The following SLC44A1 variants were observed in gnomAD, a reference collection of about 807,000 sequenced individuals.
SLC44A1 encodes the protein solute carrier family 44 member 1, also known as choline transporter-like protein 1.
SLC44A1 carries 26 observed loss-of-function variants against 79.3 expected under a neutral mutation model. The observed-to-expected ratio is 0.33, with a 90% CI of 0.24 to 0.46. The LOEUF (loss-of-function observed/expected upper bound fraction) is 0.46, where lower values mean the gene tolerates loss of function less well. SLC44A1 is among the 20% of genes least tolerant of loss of function. The probability of loss-of-function intolerance (pLI) is 1.00; values close to 1 mark genes in which losing one functional copy is unlikely to be tolerated. For missense variants in SLC44A1, 688 were observed against 798.1 expected, an observed-to-expected ratio of 0.86 and a Z score of 1.66; for synonymous variants, 263 against 286.2, an observed-to-expected ratio of 0.92 and a Z score of 0.82.
Position 105,393,833 on chromosome 9 carries a change from A to G in SLC44A1, c.*4777A>G. 1 of 984,910 alleles carries G rather than the reference A, an allele frequency of 1.0e-6. No individual in the cohort carries two copies. Among genetic ancestry groups the G allele is most frequent in the Non-Finnish European group, 1.2e-6 (1 of 829,436 alleles). 61.0% of individuals were successfully genotyped at this position (984,910 alleles called of 1,614,324 possible). A position where few individuals can be genotyped will look rare whatever the true frequency, so the allele number is the denominator to read the frequency against. ...GTTTTGATGCTCAGTTTTACAACTTAAATGATTTTCTCCAGGACACGGAGC... is the reference window on the plus strand; with the variant it reads ...GTTTTGATGCTCAGTTTTACAACTTGAATGATTTTCTCCAGGACACGGAGC... On this transcript the variant is annotated 3_prime_UTR_variant, in exon 16 of 16. Coordinates refer to ENST00000374720, the MANE Select transcript of SLC44A1 (RefSeq NM_080546.5).
intron 14 of SLC44A1, among the ~76,000 whole-genome samples, chr9:105,383,851 C>A (rs1828549920): frequency 6.6e-6 from 1 of 152,186 alleles, no homozygotes; most frequent in Non-Finnish European, 1.5e-5. Context: ...ATAACAGACC[C>A]ATGACTGGTA....
At chr9:105,310,279 T>C (rs376254242) in intron 3 of SLC44A1, among the ~76,000 whole-genome samples, 13 of 152,116 alleles carry the variant, frequency 8.5e-5, no homozygotes, top group African/African-American at 3.1e-4. Flanking sequence ...TAGAAAATAT[T>C]TTATGTTGTA....
At chr9:105,273,597 G>A (rs1830127473) in intron 1 of SLC44A1, among the ~76,000 whole-genome samples, 1 of 152,076 alleles carries the variant, frequency 6.6e-6, no homozygotes, top group Admixed American at 6.5e-5. Flanking sequence ...AATTGCAACT[G>A]AGTGAATTTC....
At chr9:105,330,356 C>G (rs889571258) in intron 3 of SLC44A1, among the ~76,000 whole-genome samples, 1 of 152,212 alleles carries the variant, frequency 6.6e-6, no homozygotes, top group Non-Finnish European at 1.5e-5. Context: ...CAGTCAGTTC[C>G]ATCATTTGTT....
intron 15 of SLC44A1, among the ~76,000 whole-genome samples, chr9:105,411,363 C>T (rs1348813415): frequency 1.3e-5 from 2 of 151,690 alleles, no homozygotes; most frequent in Admixed American, 6.6e-5. Context: ...TTCCCCTTCC[C>T]CTGCTTCCCT....
At chr9:105,256,799 A>AT (rs1829719439) in intron 1 of SLC44A1, among the ~76,000 whole-genome samples, 1 of 79,626 alleles carries the variant, frequency 1.3e-5, no homozygotes, top group Admixed American at 1.3e-4. Context: ...TTATTTTATT[A>AT]TTTTTTGAGA....
intron 3 of SLC44A1, among the ~76,000 whole-genome samples, chr9:105,318,587 A>T (rs542040368): frequency 5.8e-4 from 88 of 152,258 alleles, no homozygotes; most frequent in Non-Finnish European, 1.1e-3. Flanking sequence ...TTTTTTTGTC[A>T]TATTTTGTGA....
At chr9:105,360,699 T>G (rs1326361818) in intron 7 of SLC44A1, among the ~76,000 whole-genome samples, 1 of 152,224 alleles carries the variant, frequency 6.6e-6, no homozygotes, top group East Asian at 1.9e-4. Context: ...TGATTTGCAT[T>G]TATTCATTGT....
intron 7 of SLC44A1, among the ~76,000 whole-genome samples, chr9:105,358,876 C>T (rs759683371): frequency 2.0e-5 from 3 of 152,102 alleles, no homozygotes; most frequent in Non-Finnish European, 2.9e-5. Flanking sequence ...TACATTTTCA[C>T]TTCCACAGTT....
intron 1 of SLC44A1, among the ~76,000 whole-genome samples, chr9:105,258,798 A>G (rs542856170): frequency 5.9e-4 from 90 of 151,856 alleles, no homozygotes; most frequent in Admixed American, 4.5e-3. Context: ...AGGGATTCTC[A>G]TGCCTCAGCC....
chr9:105,379,391 A>C (rs772993341), intron 13 of SLC44A1, among the ~76,000 whole-genome samples: 1 of 152,160 alleles, frequency 6.6e-6, no homozygotes. Context: ...TCCAGTGATG[A>C]TGGATATATT....
At chr9:105,251,210 G>A (rs1195202248) in intron 1 of SLC44A1, among the ~76,000 whole-genome samples, 2 of 152,076 alleles carry the variant, frequency 1.3e-5, no homozygotes, top group South Asian at 2.1e-4. Context: ...CCTCACCCCC[G>A]GCTTTTTCAG....
intron 15 of SLC44A1, among the ~76,000 whole-genome samples, chr9:105,432,351 T>G (rs1829408617): frequency 6.6e-6 from 1 of 152,230 alleles, no homozygotes; most frequent in Non-Finnish European, 1.5e-5. Context: ...CACTCCTTGC[T>G]AAAGGTAATA....
downstream of SLC44A1, among the ~76,000 whole-genome samples, chr9:105,400,733 G>T (rs1177531274): frequency 1.3e-5 from 2 of 151,980 alleles, no homozygotes; most frequent in East Asian, 3.9e-4. Flanking sequence ...AGGTTCCCAG[G>T]TTTTTTATAG....
intron 1 of SLC44A1, among the ~76,000 whole-genome samples, chr9:105,285,351 C>T (rs1564414958): frequency 6.6e-6 from 1 of 152,138 alleles, no homozygotes; most frequent in Non-Finnish European, 1.5e-5. Flanking sequence ...AATATTTGGA[C>T]ATTTGGAAAT....
chr9:105,266,306 G>A (rs1205023356), intron 1 of SLC44A1, among the ~76,000 whole-genome samples: 1 of 152,058 alleles, frequency 6.6e-6, no homozygotes, highest in Non-Finnish European at 1.5e-5. Flanking sequence ...TGGTATAAGT[G>A]AGTTCGCTTC....
At chr9:105,319,242 G>T (rs1295965409) in intron 3 of SLC44A1, among the ~76,000 whole-genome samples, 1 of 152,128 alleles carries the variant, frequency 6.6e-6, no homozygotes, top group East Asian at 1.9e-4. Flanking sequence ...CAAATTATTT[G>T]CCAGGAAGAC....
intron 15 of SLC44A1, among the ~76,000 whole-genome samples, chr9:105,429,735 C>A (rs1319465163): frequency 6.6e-6 from 1 of 152,006 alleles, no homozygotes; most frequent in East Asian, 1.9e-4. Context: ...GAATTTATTG[C>A]AAATAGTAAA....
At chr9:105,358,259 A>T (rs1827678556) in intron 6 of SLC44A1, 85 bp from the exon 7 acceptor site, 1 of 774,408 alleles carries the variant, frequency 1.3e-6, no homozygotes, top group African/African-American at 1.8e-5. Context: ...TTCCCTGGGG[A>T]AAAAAGCAAC....
Sources: allele counts gnomAD v4.1 joint callset (sites outside exome capture counted in the v4.1 genomes callset), GRCh38; gene constraint gnomAD v4.1.1; transcripts MANE v1.5; gene names NCBI Gene and HGNC (gene_info 2026-07-23, HGNC 2026-07-21).